Variants in ABCD3 observed in about 807,000 individuals in gnomAD.
ABCD3 encodes the protein ATP binding cassette subfamily D member 3, also known as ATP-binding cassette sub-family D member 3.
Under a neutral mutation model 105.5 loss-of-function variants are expected in ABCD3, and 41 were observed. That is an observed-to-expected ratio of 0.39 (90% CI 0.30 to 0.50). The LOEUF (loss-of-function observed/expected upper bound fraction) is 0.50, where lower values mean the gene tolerates loss of function less well. Ranked by LOEUF, ABCD3 falls within the 20% of genes least tolerant of loss-of-function variation. ABCD3 has a pLI of 0.84. For missense variants in ABCD3, 622 were observed against 806.3 expected, an observed-to-expected ratio of 0.77 and a Z score of 2.77; for synonymous variants, 258 against 269.0, an observed-to-expected ratio of 0.96 and a Z score of 0.40.
intron 2 of ABCD3, among the ~76,000 whole-genome samples, chr1:94,460,516 G>A (rs1647818204): frequency 6.6e-6 from 1 of 152,052 alleles, no homozygotes; most frequent in Non-Finnish European, 1.5e-5. Context: ...AATTCACTTA[G>A]TAAGTCAGTC....
chr1:94,492,550 T>G (rs1304190987), intron 16 of ABCD3, among the ~76,000 whole-genome samples: 1 of 152,194 alleles, frequency 6.6e-6, no homozygotes, highest in African/African-American at 2.4e-5. Context: ...ATTGACTGGC[T>G]CCACATATCA....
chr1:94,450,883 C>A (rs1317935734), intron 1 of ABCD3, among the ~76,000 whole-genome samples: 1 of 152,122 alleles, frequency 6.6e-6, no homozygotes, highest in African/African-American at 2.4e-5. Flanking sequence ...TTTTTCAAGT[C>A]TAAACATCAA....
At chr1:94,425,270 A>G (rs1250160849) in intron 1 of ABCD3, among the ~76,000 whole-genome samples, 1 of 152,162 alleles carries the variant, frequency 6.6e-6, no homozygotes, top group Non-Finnish European at 1.5e-5. Context: ...GTTTCCTTTT[A>G]TTCTGTATTT....
chr1:94,439,312 C>CT (rs2100909397), intron 1 of ABCD3, among the ~76,000 whole-genome samples: 1 of 152,040 alleles, frequency 6.6e-6, no homozygotes, highest in South Asian at 2.1e-4. Context: ...ATGACTTGGT[C>CT]TTTTGTGTAT....
At chr1:94,421,280 A>AC (rs2100865093) in intron 1 of ABCD3, among the ~76,000 whole-genome samples, 1 of 152,260 alleles carries the variant, frequency 6.6e-6, no homozygotes, top group South Asian at 2.1e-4. Flanking sequence ...TATTAGTTGT[A>AC]CATTTTTTAA....
At chr1:94,439,837 T>G (rs904296815) in intron 1 of ABCD3, among the ~76,000 whole-genome samples, 11 of 152,252 alleles carry the variant, frequency 7.2e-5, no homozygotes, top group African/African-American at 2.7e-4. Flanking sequence ...TTTTATGCTG[T>G]GAGTTTATGT....
chr1:94,486,841 G>A (rs762238895), intron 10 of ABCD3, among the ~76,000 whole-genome samples: 1 of 152,180 alleles, frequency 6.6e-6, no homozygotes, highest in African/African-American at 2.4e-5. Flanking sequence ...TTGAGAAACC[G>A]TTATTTCTGG....
the ABCD3 span, among the ~76,000 whole-genome samples, chr1:94,397,016 TCTTA>T: frequency 6.6e-6 from 1 of 152,242 alleles, no homozygotes; most frequent in African/African-American, 2.4e-5. Flanking sequence ...TATGCTAGTT[TCTTA>T]CTTGATTTCA....
At chr1:94,478,680 T>C in intron 8 of ABCD3, 1 of 924,274 alleles carries the variant, frequency 1.1e-6, no homozygotes, top group Non-Finnish European at 1.5e-6. Flanking sequence ...CGAGACCCGC[T>C]TCTTTAAAAA....
At chr1:94,468,936 T>C (rs1342243719) in intron 4 of ABCD3, among the ~76,000 whole-genome samples, 1 of 152,176 alleles carries the variant, frequency 6.6e-6, no homozygotes, top group Non-Finnish European at 1.5e-5. Flanking sequence ...ATGGGTAAAT[T>C]ATGTAGGCCC....
intron 1 of ABCD3, among the ~76,000 whole-genome samples, chr1:94,436,317 C>T (rs897671535): frequency 6.6e-6 from 1 of 152,218 alleles, no homozygotes; most frequent in Non-Finnish European, 1.5e-5. Context: ...CTCAAAGACA[C>T]AGTTGATGGT....
chr1:94,472,270 T>G, intron 4 of ABCD3: 1 of 956,516 alleles, frequency 1.0e-6, no homozygotes, highest in African/African-American at 1.8e-5. Context: ...GATGGCATGT[T>G]CTTGTGTGTT....
At chr1:94,512,773 C>T (rs1424070917) in intron 21 of ABCD3, among the ~76,000 whole-genome samples, 1 of 151,908 alleles carries the variant, frequency 6.6e-6, no homozygotes, top group Non-Finnish European at 1.5e-5. Context: ...AACATCTATA[C>T]TATGGTTAAA....
At chr1:94,448,166 C>T (rs1660429659) in intron 1 of ABCD3, among the ~76,000 whole-genome samples, 1 of 152,186 alleles carries the variant, frequency 6.6e-6, no homozygotes, top group African/African-American at 2.4e-5. Flanking sequence ...TTGACGGACT[C>T]TAACTCCTTA....
rs887509584 is a variant in ABCD3 at position 94,517,569 on chromosome 1, T to C, written c.*440T>C. On this transcript the variant is annotated 3_prime_UTR_variant, in exon 23 of 23. Coordinates refer to ENST00000370214, the MANE Select transcript of ABCD3 (RefSeq NM_002858.4). ...TCTTCAGTTTCATTTTCCTGTGCCC[T>C]GTGGTAGTTGGAAACAAATCATAAT... The C allele has an allele frequency of 2.6e-5, 5 of 190,540 alleles. No homozygotes were observed. Among genetic ancestry groups the C allele is most frequent in the African/African-American group, 9.6e-5 (4 of 41,736 alleles). The allele number at this position is 190,540 out of a possible 1,614,324, so 11.8% of individuals were successfully genotyped here.
intron 1 of ABCD3, among the ~76,000 whole-genome samples, chr1:94,426,340 G>T (rs1659468265): frequency 6.6e-6 from 1 of 152,122 alleles, no homozygotes; most frequent in Admixed American, 6.5e-5. Context: ...ATGGAATTCG[G>T]CATTCAAAGT....
rs548602137 is a variant in ABCD3 at position 94,437,174 on chromosome 1, A to G, written c.110+18586A>G. Among the ~76,000 whole-genome samples the G allele has an allele frequency of 6.6e-5, 10 of 152,368 alleles. No individual in the cohort carries two copies. In the South Asian group the frequency reaches 2.1e-3, roughly 32 times the overall value. On this transcript the variant is annotated intron_variant, in intron 1 of 22. Coordinates refer to ENST00000370214, the MANE Select transcript of ABCD3 (RefSeq NM_002858.4). ...AAGTTATCCAGAAGATCTAGCTAAG[A>G]TAATCGATAAAGGTGGACTATACTA...
intron 1 of ABCD3, among the ~76,000 whole-genome samples, chr1:94,447,874 A>C (rs1660417574): frequency 6.6e-6 from 1 of 152,228 alleles, no homozygotes; most frequent in African/African-American, 2.4e-5. Context: ...TTACTAAGGG[A>C]CATTAATTGG....
At chr1:94,493,659 C>T (rs1372992707) in intron 16 of ABCD3, among the ~76,000 whole-genome samples, 10 of 151,976 alleles carry the variant, frequency 6.6e-5, no homozygotes, top group Non-Finnish European at 1.0e-4. Context: ...TTTATTGCGG[C>T]ACTATTCACA....
Sources: allele counts gnomAD v4.1 joint callset (sites outside exome capture counted in the v4.1 genomes callset), GRCh38; gene constraint gnomAD v4.1.1; transcripts MANE v1.5; gene names NCBI Gene and HGNC (gene_info 2026-07-23, HGNC 2026-07-21).